SHISA9: variants seen among roughly 807,000 people sequenced by gnomAD.
The protein encoded by SHISA9 is shisa family member 9.
A neutral mutation model predicts 38.0 loss-of-function variants in SHISA9; 13 were observed. That is an observed-to-expected ratio of 0.34 (90% CI 0.22 to 0.54). SHISA9 has a LOEUF of 0.54. Among genes scored for constraint, SHISA9 ranks in the 20% least tolerant of loss-of-function variants. SHISA9 has a pLI of 0.91. For synonymous variants in SHISA9, 275 were observed against 242.0 expected, an observed-to-expected ratio of 1.14 and a Z score of -1.27; for missense variants, 538 against 575.8, an observed-to-expected ratio of 0.93 and a Z score of 0.67.
chr16:12,959,170 G>T (rs2071875289), intron 2 of SHISA9, among the ~76,000 whole-genome samples: 1 of 152,148 alleles, frequency 6.6e-6, no homozygotes, highest in Non-Finnish European at 1.5e-5. Context: ...TGTATTTTCT[G>T]TGCCTGGTTA....
chr16:13,380,710 T>A, the SHISA9 span, among the ~76,000 whole-genome samples: 1 of 152,176 alleles, frequency 6.6e-6, no homozygotes, highest in Non-Finnish European at 1.5e-5. Flanking sequence ...CTGGGTTACA[T>A]TTGCAGAATG....
the SHISA9 span, among the ~76,000 whole-genome samples, chr16:13,355,854 T>TG: frequency 6.6e-6 from 1 of 152,130 alleles, no homozygotes; most frequent in Non-Finnish European, 1.5e-5. Flanking sequence ...CGAGAAGATC[T>TG]GGGAAGGAGT....
chr16:13,024,903 A>G (rs940193344), intron 2 of SHISA9, among the ~76,000 whole-genome samples: 2 of 152,112 alleles, frequency 1.3e-5, no homozygotes, highest in African/African-American at 4.8e-5. Flanking sequence ...CAGGATCTCA[A>G]TTGCCAATAA....
At chr16:13,479,029 A>G in the SHISA9 span, among the ~76,000 whole-genome samples, 2 of 152,126 alleles carry the variant, frequency 1.3e-5, no homozygotes, top group Non-Finnish European at 2.9e-5. Context: ...GTTCTAAATT[A>G]TTTTCATGGG....
the SHISA9 span, among the ~76,000 whole-genome samples, chr16:13,474,956 G>A: frequency 6.6e-6 from 1 of 152,282 alleles, no homozygotes; most frequent in Non-Finnish European, 1.5e-5. Flanking sequence ...TAAACGACTG[G>A]GTAAACCAAG....
At chr16:13,197,553 C>A (rs985353684) in intron 2 of SHISA9, 1 of 110,010 alleles carries the variant, frequency 9.1e-6, no homozygotes, top group African/African-American at 4.5e-5. Flanking sequence ...GTAATTGTAT[C>A]TTAACCTTCT....
At chr16:13,389,491 A>G in the SHISA9 span, among the ~76,000 whole-genome samples, 1 of 152,236 alleles carries the variant, frequency 6.6e-6, no homozygotes, top group Non-Finnish European at 1.5e-5. Flanking sequence ...ATTATGCTGT[A>G]CATCTTAAAT....
chr16:12,925,293 C>T (rs752916894), intron 2 of SHISA9, among the ~76,000 whole-genome samples: 2 of 152,164 alleles, frequency 1.3e-5, no homozygotes, highest in East Asian at 1.9e-4. Flanking sequence ...TCCTGTCTTA[C>T]GGTTTTCTTC....
At chr16:13,547,955 A>G in the SHISA9 span, among the ~76,000 whole-genome samples, 1 of 152,190 alleles carries the variant, frequency 6.6e-6, no homozygotes, top group Admixed American at 6.6e-5. Context: ...ACACTACCTG[A>G]CTTCAAAATA....
At chr16:13,053,416 C>A (rs958665326) in intron 2 of SHISA9, among the ~76,000 whole-genome samples, 2 of 152,208 alleles carry the variant, frequency 1.3e-5, no homozygotes, top group African/African-American at 4.8e-5. Context: ...ATAGCCAAAG[C>A]CTCCAACAGG....
At chr16:13,046,036 C>T (rs2073184915) in intron 2 of SHISA9, among the ~76,000 whole-genome samples, 1 of 152,172 alleles carries the variant, frequency 6.6e-6, no homozygotes, top group African/African-American at 2.4e-5. Flanking sequence ...TAATTTTCTC[C>T]AAATGCAATA....
the SHISA9 span, among the ~76,000 whole-genome samples, chr16:13,252,485 G>A: frequency 6.6e-6 from 1 of 152,124 alleles, no homozygotes; most frequent in South Asian, 2.1e-4. Context: ...AAGTGCTGAG[G>A]GTGAGAAACC....
the SHISA9 span, among the ~76,000 whole-genome samples, chr16:13,347,901 G>A: frequency 1.3e-5 from 2 of 152,036 alleles, no homozygotes; most frequent in African/African-American, 4.8e-5. Context: ...GCATTACATG[G>A]CAAAGAGGAA....
chr16:13,484,062 CTG>C, the SHISA9 span, among the ~76,000 whole-genome samples: 53 of 152,236 alleles, frequency 3.5e-4, no homozygotes, highest in African/African-American at 1.2e-3. Flanking sequence ...GTCTTGGTAA[CTG>C]AGCCGTCAAT....
the SHISA9 span, among the ~76,000 whole-genome samples, chr16:13,318,562 G>C: frequency 6.6e-6 from 1 of 152,106 alleles, no homozygotes; most frequent in Non-Finnish European, 1.5e-5. Flanking sequence ...TTGACCTCAG[G>C]TGATCTGCCC....
chr16:13,282,513 A>G, the SHISA9 span, among the ~76,000 whole-genome samples: 13 of 151,964 alleles, frequency 8.6e-5, no homozygotes, highest in African/African-American at 3.1e-4. Context: ...ACTATAACTT[A>G]CTGTTATATA....
At chr16:13,149,584 C>A (rs2050479229) in intron 2 of SHISA9, among the ~76,000 whole-genome samples, 1 of 152,016 alleles carries the variant, frequency 6.6e-6, no homozygotes, top group Non-Finnish European at 1.5e-5. Context: ...CATCTCTGAG[C>A]CTCTCTTTTC....
Position 12,945,739 on chromosome 16 carries a change from A to G in SHISA9, c.691+28924A>G, listed in dbSNP as rs116949198. Among the ~76,000 whole-genome samples, 888 of 152,364 alleles carry G rather than the reference A, an allele frequency of 5.8e-3. 7 individuals are homozygous for G. Among genetic ancestry groups the G allele is most frequent in the Middle Eastern group, 0.034 (10 of 294 alleles). ...GAGACTTAAATGAGATGATATATGT[A>G]GAGTACTTGGCTTATAATAAGAACT... On this transcript the variant is annotated intron_variant, in intron 2 of 4. Coordinates refer to ENST00000558583, the MANE Select transcript of SHISA9 (RefSeq NM_001145204.3).
intron 2 of SHISA9, among the ~76,000 whole-genome samples, chr16:12,945,487 T>C (rs748180302): frequency 6.6e-6 from 1 of 152,180 alleles, no homozygotes; most frequent in Admixed American, 6.5e-5. Context: ...TTGAAGAAAA[T>C]GTGAAAAGTA....
Sources: gnomAD v4.1 joint callset for allele counts (sites outside exome capture counted in the v4.1 genomes callset) on GRCh38, gnomAD v4.1.1 for gene constraint, MANE v1.5 for transcripts, NCBI Gene and HGNC (gene_info 2026-07-23, HGNC 2026-07-21) for gene names.